Variants in PCDHGA2 observed in about 807,000 individuals in gnomAD.
PCDHGA2 encodes the protein protocadherin gamma subfamily A, 2, also known as protocadherin gamma-A2.
A neutral mutation model predicts 59.2 loss-of-function variants in PCDHGA2; 40 were observed. That is an observed-to-expected ratio of 0.68 (90% CI 0.52 to 0.88). The LOEUF (loss-of-function observed/expected upper bound fraction) is 0.88. PCDHGA2 is among the 40% of genes least tolerant of loss of function. PCDHGA2 has a pLI of 0.00. For missense variants in PCDHGA2, 1,226 were observed against 1,204.0 expected (o/e 1.02, Z -0.27); for synonymous variants, 560 against 526.0 (o/e 1.06, Z -0.89).
intron 1 of PCDHGA2, chr5:141,370,337 G>A: frequency 6.9e-7 from 1 of 1,448,610 alleles, no homozygotes; most frequent in Non-Finnish European, 9.3e-7. Context: ...AGAACTCTTG[G>A]GATTATTTAA....
At chr5:141,494,190 G>GAGAA (rs2099752701) in intron 1 of PCDHGA2, among the ~76,000 whole-genome samples, 1 of 152,186 alleles carries the variant, frequency 6.6e-6, no homozygotes, top group Non-Finnish European at 1.5e-5. Flanking sequence ...CCCGGGACTT[G>GAGAA]GATGCCCCGC....
chr5:141,427,697 A>G (rs1306378691), intron 1 of PCDHGA2: 3 of 924,392 alleles, frequency 3.2e-6, no homozygotes, highest in South Asian at 1.4e-5. Context: ...CCATCCCACA[A>G]GTCAGCGCCT....
At position 141,421,580 on chromosome 5, in the gene PCDHGA2, A is replaced by G. The variant is rs375319424; in HGVS notation, c.2425-73227A>G. ...CTCGTGGAAGACACCTTGAAGATTT[A>G]CGGAGTGGAGGTGGAAATAATAGAT... On this transcript the variant is annotated intron_variant, in intron 1 of 3. Transcript: ENST00000394576. The G allele has an allele frequency of 1.1e-5, 17 of 1,613,782 alleles. No individual in the cohort carries two copies. In the East Asian group the frequency reaches 2.7e-4, roughly 25 times the overall value.
In PCDHGA2 at chr5:141,492,559, C is replaced by A. The variant is rs533830391; in HGVS notation, c.2425-2248C>A. ...GGGCTGGGCCGGGTCGCCTGGGGGG[C>A]GGCCTGAGCGAGGCGCGGGGCCAGG... On this transcript the variant is annotated intron_variant, in intron 1 of 3. Coordinates refer to ENST00000394576, the MANE Select transcript of PCDHGA2 (RefSeq NM_018915.4). 2.6e-5 allele frequency among the ~76,000 whole-genome samples: 4 copies of A among 152,292 alleles called. No individual in the cohort carries two copies. The East Asian group carries it at 7.7e-4, about 29-fold the overall frequency.
intron 1 of PCDHGA2, chr5:141,350,652 T>C (rs755738484): frequency 6.2e-7 from 1 of 1,614,044 alleles, no homozygotes. Flanking sequence ...CCACGTTTCG[T>C]TGCAAAAGGC....
At chr5:141,374,384 C>T (rs781113576) in intron 1 of PCDHGA2, 4 of 1,613,962 alleles carry the variant, frequency 2.5e-6, no homozygotes, top group East Asian at 2.2e-5. Flanking sequence ...TCAGAGCCCG[C>T]GGTGTCTGGT....
intron 1 of PCDHGA2, chr5:141,423,111 T>C (rs1394665462): frequency 3.1e-6 from 5 of 1,613,718 alleles, no homozygotes; most frequent in South Asian, 1.1e-5. Flanking sequence ...GCGAGGTGCG[T>C]ACAGCGCGGG....
chr5:141,393,892 C>A lies in PCDHGA2; in HGVS notation c.2424+52497C>A, dbSNP rs775134910. The A allele has an allele frequency of 1.2e-5, 19 of 1,613,856 alleles. No homozygotes were observed. Among genetic ancestry groups the A allele is most frequent in the Admixed American group, 6.7e-5 (4 of 60,000 alleles). ...TTGTTTAGCCCAGTGTTAGAAAATT[C>A]TCTTCCCGGGACAGTAATTGCCTTC... On this transcript the variant is annotated intron_variant, in intron 1 of 3. Transcript: ENST00000394576.
At chr5:141,466,213 C>G (rs2099118871) in intron 1 of PCDHGA2, among the ~76,000 whole-genome samples, 1 of 151,958 alleles carries the variant, frequency 6.6e-6, no homozygotes, top group South Asian at 2.1e-4. Flanking sequence ...CTCTGTTACC[C>G]AGGCTGGAGT....
rs564197257 is a variant in PCDHGA2, at chr5:141,458,715, A to G, written c.2425-36092A>G. On this transcript the variant is annotated intron_variant, in intron 1 of 3. Coordinates refer to ENST00000394576, the MANE Select transcript of PCDHGA2 (RefSeq NM_018915.4). ...CTCCCGAGTAGCTGGGATTACAGGT[A>G]TTCGCCACCACATCCAGCTATTGGT... Among the ~76,000 whole-genome samples the G allele has an allele frequency of 3.9e-5, 6 of 152,082 alleles. No homozygotes were observed. The East Asian group carries it at 9.7e-4, about 25-fold the overall frequency.
chr5:141,352,348 A>C, intron 1 of PCDHGA2: 1 of 1,613,802 alleles, frequency 6.2e-7, no homozygotes. Context: ...CCTTGATCTC[A>C]GTGCTCTTTC....
intron 1 of PCDHGA2, chr5:141,440,130 A>G (rs1222064545): frequency 6.6e-6 from 1 of 152,282 alleles, no homozygotes; most frequent in African/African-American, 2.4e-5. Context: ...TGAATGGATC[A>G]GGAGCAGATA....
At chr5:141,357,941 ACAC>A (rs1447440332) in intron 1 of PCDHGA2, among the ~76,000 whole-genome samples, 4 of 152,096 alleles carry the variant, frequency 2.6e-5, no homozygotes. Flanking sequence ...TGTAATCCTA[ACAC>A]TTTGGGAGTG....
chr5:141,452,459 C>T (rs545368648), intron 1 of PCDHGA2, among the ~76,000 whole-genome samples: 38 of 152,246 alleles, frequency 2.5e-4, no homozygotes, highest in Middle Eastern at 6.8e-3. Context: ...TGTCAGCAGA[C>T]GGAGCTAGGA....
chr5:141,383,107 G>A, intron 1 of PCDHGA2: 1 of 1,614,032 alleles, frequency 6.2e-7, no homozygotes, highest in South Asian at 1.1e-5. Context: ...CATCTCCAGA[G>A]GTAGGACGCA....
chr5:141,344,345 A>T (rs755984295), intron 1 of PCDHGA2: 1 of 1,613,958 alleles, frequency 6.2e-7, no homozygotes, highest in East Asian at 2.2e-5. Flanking sequence ...TGTGTCTGGT[A>T]AAAATTAACA....
In PCDHGA2 at chr5:141,383,993, T is replaced by G. The variant is rs1779669421; in HGVS notation, c.2424+42598T>G. The G allele has an allele frequency of 3.7e-6, 6 of 1,613,872 alleles. No individual in the cohort carries two copies. The highest frequency in any genetic ancestry group is 1.6e-4 in the Middle Eastern group (1 of 6,062). ...CCTGAAGACACACCTCTTGGGACAG[T>G]CATTGCTCTTTTCTACCTACAAGAC... On this transcript the variant is annotated intron_variant, in intron 1 of 3. Transcript: ENST00000394576.
chr5:141,364,437 C>T (rs1489838873), intron 1 of PCDHGA2: 16 of 1,613,832 alleles, frequency 9.9e-6, no homozygotes, highest in Middle Eastern at 3.3e-4. Context: ...TACTCGATGC[C>T]GGAGGAGCTG....
chr5:141,480,240 CA>C lies in PCDHGA2; in HGVS notation c.2425-14552del, dbSNP rs11374694. 4.6e-3 allele frequency among the ~76,000 whole-genome samples: 522 copies of C among 113,846 alleles called. 1 individual carries two copies. Among genetic ancestry groups the C allele is most frequent in the Non-Finnish European group, 5.4e-3 (287 of 52,954 alleles). 74.7% of individuals were successfully genotyped at this position (113,846 alleles called of 152,430 possible). A position where few individuals can be genotyped will look rare whatever the true frequency, so the allele number is the denominator to read the frequency against. ...GCGACATAGTGAGATCCTGTCTCTACAAAAAAAAAAAAAAATGTGTTTTCAT... is the reference window on the plus strand; with the variant it reads ...GCGACATAGTGAGATCCTGTCTCTACAAAAAAAAAAAAAATGTGTTTTCAT... On this transcript the variant is annotated intron_variant, in intron 1 of 3. Coordinates refer to ENST00000394576, the MANE Select transcript of PCDHGA2 (RefSeq NM_018915.4).
Sources: gnomAD v4.1 joint callset for allele counts (sites outside exome capture counted in the v4.1 genomes callset) on GRCh38, gnomAD v4.1.1 for gene constraint, MANE v1.5 for transcripts, NCBI Gene and HGNC (gene_info 2026-07-23, HGNC 2026-07-21) for gene names.